Variants in SLC3A1 observed in about 807,000 individuals in gnomAD.
SLC3A1 encodes the protein amino acid transporter heavy chain SLC3A1.
Under a neutral mutation model 60.3 loss-of-function variants are expected in SLC3A1, and 78 were observed. The ratio of observed to expected loss-of-function variants is 1.29; its 90% CI spans 1.08 to 1.56. The LOEUF (loss-of-function observed/expected upper bound fraction) is 1.56, where lower values mean the gene tolerates loss of function less well. Among genes scored for constraint, SLC3A1 ranks in the 40% most tolerant of loss-of-function variants. SLC3A1 has a pLI of 0.00. For missense variants in SLC3A1, 1,172 were observed against 858.9 expected (o/e 1.36, Z -4.56); for synonymous variants, 392 against 307.9 (o/e 1.27, Z -2.86).
At chr2:44,321,800 T>C (rs1394803796), downstream of SLC3A1, 2 of 1,613,806 alleles carry the variant, frequency 1.2e-6, no homozygotes, top group South Asian at 1.1e-5. Flanking sequence ...CGGGAATCTG[T>C]CCACTGAGAG....
At chr2:44,297,637 G>A (rs879827873) in intron 4 of SLC3A1, among the ~76,000 whole-genome samples, 1 of 152,272 alleles carries the variant, frequency 6.6e-6, no homozygotes, top group East Asian at 1.9e-4. Flanking sequence ...TGAAGCCAGG[G>A]AACATGCTGT....
chr2:44,317,103 G>A (rs1425664086), intron 9 of SLC3A1, among the ~76,000 whole-genome samples: 1 of 152,080 alleles, frequency 6.6e-6, no homozygotes, highest in African/African-American at 2.4e-5. Flanking sequence ...AGGAAAAAGA[G>A]TAACTCTAGA....
downstream of SLC3A1, among the ~76,000 whole-genome samples, chr2:44,322,218 T>C (rs1673039906): frequency 6.6e-6 from 1 of 151,882 alleles, no homozygotes. Context: ...ACTACAGCAA[T>C]GGATGGGGGT....
intron 4 of SLC3A1, among the ~76,000 whole-genome samples, chr2:44,295,606 T>C (rs909891433): frequency 3.9e-5 from 6 of 152,222 alleles, no homozygotes; most frequent in African/African-American, 1.4e-4. Flanking sequence ...GCTTTTACTG[T>C]TTTGTCTCAT....
intron 4 of SLC3A1, among the ~76,000 whole-genome samples, chr2:44,291,100 A>G (rs1444440101): frequency 2.0e-5 from 3 of 152,090 alleles, no homozygotes; most frequent in African/African-American, 7.2e-5. Context: ...AAATCCAGAC[A>G]CTCGGACTTG....
chr2:44,299,759 T>C (rs1671955427), intron 4 of SLC3A1, among the ~76,000 whole-genome samples: 1 of 152,214 alleles, frequency 6.6e-6, no homozygotes, highest in Non-Finnish European at 1.5e-5. Flanking sequence ...AATTCACATA[T>C]GAAGGAGGTG....
At chr2:44,297,029 C>T (rs1405965879) in intron 4 of SLC3A1, among the ~76,000 whole-genome samples, 1 of 152,196 alleles carries the variant, frequency 6.6e-6, no homozygotes, top group Admixed American at 6.5e-5. Flanking sequence ...ATTACCCAGT[C>T]TTAGATATGT....
At position 44,275,539 on chromosome 2, in the gene SLC3A1, G is replaced by A; in HGVS notation, c.4G>A (p.Ala2Thr). 6.2e-7 allele frequency: 1 copy of A among 1,613,896 alleles called. No homozygotes were observed. Among genetic ancestry groups the A allele is most frequent in the Non-Finnish European group, 8.5e-7 (1 of 1,179,912 alleles). The change falls in exon 1 of 10, where the codon GCT (alanine) becomes ACT (threonine). Residue 2 changes from alanine to threonine, a missense_variant. Ala to Thr is a moderately conservative substitution (Grantham distance 58). Transcript: ENST00000260649. ...CGAAGACATAAGTCGGTGAGACATG[G>A]CTGAAGATAAAAGCAAGAGAGACTC... M[A>T]EDKSKRDSIE...
intron 8 of SLC3A1, 95 bp downstream of exon 8, chr2:44,312,848 T>C (rs1192886314): frequency 4.1e-5 from 40 of 964,328 alleles, no homozygotes; most frequent in Non-Finnish European, 6.0e-5. Flanking sequence ...TATCTCTCTA[T>C]TGCATTGCTG....
At chr2:44,299,225 G>C (rs1168003037) in intron 4 of SLC3A1, among the ~76,000 whole-genome samples, 4 of 151,960 alleles carry the variant, frequency 2.6e-5, no homozygotes, top group Non-Finnish European at 4.4e-5. Flanking sequence ...TTTTAGTAGA[G>C]ACAGGGTTTC....
In SLC3A1 at chr2:44,281,351, C is replaced by A. The variant is rs202114084; in HGVS notation, c.611-36C>A. 3.5e-5 allele frequency: 55 copies of A among 1,572,888 alleles called. 1 individual carries two copies. In the African/African-American group the frequency reaches 5.5e-4, roughly 16 times the overall value. On this transcript the variant is annotated intron_variant, in intron 2 of 9. Transcript: ENST00000260649. The stretch of plus-strand genomic sequence containing the variant: ...CTGTCATATGTTATTCTAATACAAT[C>A]TTTCCCTAGCATTTGAAATGTCTTT...
rs1215389423 is a variant in SLC3A1, at chr2:44,304,175, T to C, written c.1169T>C (p.Ile390Thr). ...GGGACTGAAGCCTATGCAGAGAGTA[T>C]TGACAGGACCGTGATGTACTATGGA... The part of the protein sequence containing the change: ...FMGTEAYAES[I>T]DRTVMYYGLP... Residue 390 changes from isoleucine (I) to threonine (T), a missense_variant, in exon 7 of 10, where the codon ATT (isoleucine) becomes ACT (threonine). Transcript: ENST00000260649. 8.1e-6 allele frequency: 13 copies of C among 1,614,170 alleles called. No individual in the cohort carries two copies. In the South Asian group the frequency reaches 9.9e-5, roughly 12 times the overall value.
chr2:44,322,012 G>A, downstream of SLC3A1: 2 of 1,133,660 alleles, frequency 1.8e-6, no homozygotes, highest in Non-Finnish European at 2.4e-6. Flanking sequence ...AATAGTAAAG[G>A]AATAAAAAGC....
At chr2:44,280,067 C>T (rs768050777) in intron 1 of SLC3A1, among the ~76,000 whole-genome samples, 2 of 152,146 alleles carry the variant, frequency 1.3e-5, no homozygotes, top group Non-Finnish European at 2.9e-5. Context: ...TGCTCTGTTC[C>T]TTGACACTTA....
intron 4 of SLC3A1, among the ~76,000 whole-genome samples, chr2:44,296,456 C>T (rs1006075760): frequency 4.6e-5 from 7 of 152,120 alleles, no homozygotes; most frequent in Admixed American, 3.9e-4. Context: ...CTAGTAAGAA[C>T]AAATTTGTTT....
At chr2:44,291,973 T>G (rs963514148) in intron 4 of SLC3A1, among the ~76,000 whole-genome samples, 1 of 152,182 alleles carries the variant, frequency 6.6e-6, no homozygotes, top group Non-Finnish European at 1.5e-5. Context: ...TCAGAAAACC[T>G]TCTCTGAGGT....
intron 6 of SLC3A1, among the ~76,000 whole-genome samples, chr2:44,302,995 T>C (rs1328713320): frequency 6.6e-6 from 1 of 151,854 alleles, no homozygotes; most frequent in Non-Finnish European, 1.5e-5. Context: ...GGTCAGGAGT[T>C]TGAGACCAGC....
chr2:44,304,339 G>T lies in SLC3A1; in HGVS notation c.1332+1G>T, dbSNP rs1558464591. 1.2e-6 allele frequency: 2 copies of T among 1,611,416 alleles called. No individual in the cohort carries two copies. Among genetic ancestry groups the T allele is most frequent in the Admixed American group, 1.7e-5 (1 of 60,004 alleles). On this transcript the variant is annotated splice_donor_variant, in intron 7 of 9. Coordinates refer to ENST00000260649, the MANE Select transcript of SLC3A1 (RefSeq NM_000341.4). LOFTEE classifies it high-confidence loss of function. ...AGAAGGAAAATGGCCTAACTGGATG[G>T]TAAGTCCTCATGACAGCAGAGTACA... is the stretch of plus-strand genomic sequence containing the variant.
rs1672857916 is a variant in SLC3A1 at position 44,320,664 on chromosome 2, A to G, written c.*25A>G. 1.2e-5 allele frequency: 19 copies of G among 1,576,202 alleles called. No individual in the cohort carries two copies. The highest frequency in any genetic ancestry group is 1.7e-5 in the Non-Finnish European group (19 of 1,145,608). ...GGCACCTTTATGAAGAGATGAAGAC[A>G]CTGGCATTTCAGTGGGATTGTAAGC... is the stretch of plus-strand genomic sequence containing the variant. On this transcript the variant is annotated 3_prime_UTR_variant, in exon 10 of 10. Transcript: ENST00000260649.
Sources: allele counts gnomAD v4.1 joint callset (sites outside exome capture counted in the v4.1 genomes callset), GRCh38; gene constraint gnomAD v4.1.1; transcripts MANE v1.5; gene names NCBI Gene and HGNC (gene_info 2026-07-23, HGNC 2026-07-21).